The following GSDME variants were observed in gnomAD, a reference collection of about 807,000 sequenced individuals.
GSDME encodes gasdermin-E.
A neutral mutation model predicts 47.5 loss-of-function variants in GSDME; 44 were observed. That is an observed-to-expected ratio of 0.93 (90% CI 0.73 to 1.19). The LOEUF (loss-of-function observed/expected upper bound fraction) is 1.19. Among genes scored for constraint, GSDME ranks in the 50% most tolerant of loss-of-function variants. The pLI is 0.00. For synonymous variants in GSDME, 258 were observed against 252.8 expected, an observed-to-expected ratio of 1.02 and a Z score of -0.20; for missense variants, 663 against 604.2, an observed-to-expected ratio of 1.10 and a Z score of -1.02.
chr7:24,734,466 C>A (rs939135180), intron 3 of GSDME, among the ~76,000 whole-genome samples: 1 of 152,204 alleles, frequency 6.6e-6, no homozygotes, highest in East Asian at 1.9e-4. Context: ...AGAGACCAAT[C>A]CTGGAGAGAC....
chr7:24,747,044 G>A (rs763822868), intron 2 of GSDME, among the ~76,000 whole-genome samples: 1 of 152,200 alleles, frequency 6.6e-6, no homozygotes, highest in African/African-American at 2.4e-5. Context: ...TGCAGTGACC[G>A]CCACTGGCCT....
the GSDME span, among the ~76,000 whole-genome samples, chr7:24,764,721 AC>A: frequency 6.6e-6 from 1 of 152,174 alleles, no homozygotes; most frequent in Admixed American, 6.5e-5. The surrounding 1 kb of genome is among the most constrained non-coding windows in gnomAD (Gnocchi z 4.4). Context: ...ACTTGCTGTC[AC>A]CACTATTCCA....
the GSDME span, among the ~76,000 whole-genome samples, chr7:24,786,409 C>T: frequency 2.0e-5 from 3 of 152,312 alleles, no homozygotes; most frequent in African/African-American, 7.2e-5. This position sits in a 1 kb window ranked among gnomAD's most constrained non-coding sequence, Gnocchi z 5.5. Context: ...CAGACACACT[C>T]GTAGCCCTCA....
At chr7:24,743,636 C>G (rs552140874) in intron 3 of GSDME, among the ~76,000 whole-genome samples, 196 of 152,312 alleles carry the variant, frequency 1.3e-3, no homozygotes, top group African/African-American at 4.3e-3. Context: ...GCGCCCCACC[C>G]CTTTCAGCCC....
the GSDME span, among the ~76,000 whole-genome samples, chr7:24,766,723 T>C: frequency 2.0e-5 from 3 of 152,248 alleles, no homozygotes; most frequent in African/African-American, 7.2e-5. The surrounding 1 kb of genome is among the most constrained non-coding windows in gnomAD (Gnocchi z 4.2). Flanking sequence ...TTTGGGTTGG[T>C]TCCAAGTCTT....
intron 4 of GSDME, 31 bp downstream of exon 4, chr7:24,719,016 C>A: frequency 6.2e-7 from 1 of 1,610,600 alleles, no homozygotes; most frequent in South Asian, 1.1e-5. Context: ...ACTGCTCAGC[C>A]ATGAACGCAG....
intron 7 of GSDME, 33 bp downstream of exon 7, chr7:24,708,094 G>A (rs780013786): frequency 2.5e-5 from 41 of 1,612,602 alleles, no homozygotes; most frequent in Admixed American, 8.3e-5. Context: ...AAACCCCAGT[G>A]AAAACACTGC....
chr7:24,791,974 G>C, the GSDME span, among the ~76,000 whole-genome samples: 242 of 152,322 alleles, frequency 1.6e-3, 1 homozygote, highest in Non-Finnish European at 2.4e-3. This position sits in a 1 kb window ranked among gnomAD's most constrained non-coding sequence, Gnocchi z 4.8. Flanking sequence ...AGCAGAGACA[G>C]CTTGGCACAA....
Position 24,716,962 on chromosome 7 carries a change from G to A in GSDME, c.697+292C>T. 2.3e-6 allele frequency: 1 copy of A among 443,294 alleles called. No individual in the cohort carries two copies. The highest frequency in any genetic ancestry group is 2.1e-5 in the South Asian group (1 of 47,940). The allele number at this position is 443,294 out of a possible 1,614,324, so 27.5% of individuals were successfully genotyped here. ...CCAGTGTGTCTGATGCAGAGCCCAG[G>A]TTGATGCCCAGAGGACACAGCCCAG... On this transcript the variant is annotated intron_variant, in intron 5 of 9. Coordinates refer to ENST00000645220, the MANE Select transcript of GSDME (RefSeq NM_001127453.2). This position sits in a 1 kb window ranked among gnomAD's most constrained non-coding sequence, Gnocchi z 4.5.
chr7:24,737,165 T>C (rs77112403), intron 3 of GSDME, among the ~76,000 whole-genome samples: 13,246 of 151,796 alleles, frequency 0.087, 725 homozygotes, highest in Non-Finnish European at 0.12. Flanking sequence ...TTAGAACAGA[T>C]ATAAATTAAA....
the GSDME span, among the ~76,000 whole-genome samples, chr7:24,783,013 G>A: frequency 6.6e-6 from 1 of 152,216 alleles, no homozygotes; most frequent in African/African-American, 2.4e-5. Context: ...AAATCTAATT[G>A]ATGTGTAGCT....
chr7:24,766,183 TTGTGTGTGTGTG>T, the GSDME span, among the ~76,000 whole-genome samples: 5 of 144,518 alleles, frequency 3.5e-5, no homozygotes, highest in African/African-American at 1.0e-4. The surrounding 1 kb of genome is among the most constrained non-coding windows in gnomAD (Gnocchi z 4.2). Flanking sequence ...ATTACATTAT[TTGTGTGTGTGTG>T]TGTGTGTGTG....
rs1316712060 is a variant in GSDME at position 24,724,335 on chromosome 7, A to G, written c.405-5117T>C. Among the ~76,000 whole-genome samples, 3 of 152,120 alleles carry G rather than the reference A, an allele frequency of 2.0e-5. No individual in the cohort carries two copies. Among genetic ancestry groups the G allele is most frequent in the African/African-American group, 7.2e-5 (3 of 41,402 alleles). ...TCACATAAACCCGGGCAGGACTGGA[A>G]TGAGACCCTCTCCCCAAGTCCAGCC... On this transcript the variant is annotated intron_variant, in intron 3 of 9. Transcript: ENST00000645220. This position sits in a 1 kb window ranked among gnomAD's most constrained non-coding sequence, Gnocchi z 4.8.
chr7:24,727,663 T>TCAGATAGCACAGAATTTA, intron 3 of GSDME, among the ~76,000 whole-genome samples: 1 of 152,372 alleles, frequency 6.6e-6, no homozygotes, highest in East Asian at 1.9e-4. Flanking sequence ...GCTTTGCCTT[T>TCAGATAGCACAGAATTTA]GTGACATTTC....
chr7:24,722,576 C>T (rs545358693), intron 3 of GSDME, among the ~76,000 whole-genome samples: 8 of 152,288 alleles, frequency 5.3e-5, no homozygotes, highest in African/African-American at 1.9e-4. Context: ...CGCCTGGTGA[C>T]GACCCCACAA....
At chr7:24,718,855 G>C (rs1057068543) in intron 4 of GSDME, among the ~76,000 whole-genome samples, 192 bp downstream of exon 4, 2 of 152,198 alleles carry the variant, frequency 1.3e-5, no homozygotes, top group African/African-American at 2.4e-5. Context: ...GCAGTGACTG[G>C]AGCCAGTTTC....
At chr7:24,750,069 A>G (rs1269368807) in intron 1 of GSDME, among the ~76,000 whole-genome samples, 2 of 152,244 alleles carry the variant, frequency 1.3e-5, no homozygotes, top group African/African-American at 4.8e-5. Context: ...TTTGTTGCTC[A>G]TACTACATGC....
In GSDME at chr7:24,735,540, T is replaced by C. The variant is rs778164902; in HGVS notation, c.404+9022A>G. Among the ~76,000 whole-genome samples, 2 of 152,182 alleles carry C rather than the reference T, an allele frequency of 1.3e-5. No individual in the cohort carries two copies. The highest frequency in any genetic ancestry group is 4.2e-4 in the South Asian group (2 of 4,812). ...GGGAGGCCGAGGTGGGTGTATCACC[T>C]GAAGACAGGAATTCGAGACCAGACT... is the stretch of plus-strand genomic sequence containing the variant. On this transcript the variant is annotated intron_variant, in intron 3 of 9. Transcript: ENST00000645220. The surrounding 1 kb of genome is among the most constrained non-coding windows in gnomAD (Gnocchi z 4.4).
chr7:24,712,785 G>A lies in GSDME; in HGVS notation c.698-2397C>T, dbSNP rs1055270602. On this transcript the variant is annotated intron_variant, in intron 5 of 9. Transcript: ENST00000645220. The surrounding 1 kb of genome is among the most constrained non-coding windows in gnomAD (Gnocchi z 4.4). ...TATAATCCTAACACTTTGGGAGGTCGAGGCGGGCGGATCACCTGAGGTCAG... is the reference window on the plus strand; with the variant it reads ...TATAATCCTAACACTTTGGGAGGTCAAGGCGGGCGGATCACCTGAGGTCAG... Among the ~76,000 whole-genome samples the A allele has an allele frequency of 2.0e-5, 3 of 152,202 alleles. No homozygotes were observed. Among genetic ancestry groups the A allele is most frequent in the Non-Finnish European group, 4.4e-5 (3 of 68,046 alleles).
Sources: gnomAD v4.1 joint callset for allele counts (sites outside exome capture counted in the v4.1 genomes callset) on GRCh38, gnomAD v4.1.1 for gene constraint, Gnocchi (gnomAD v3.1) non-coding constraint, MANE v1.5 for transcripts, NCBI Gene and HGNC (gene_info 2026-07-23, HGNC 2026-07-21) for gene names.